Variants in NCOR2 observed in about 807,000 individuals in gnomAD.
NCOR2 encodes CTG repeat protein 26.
A neutral mutation model predicts 262.9 loss-of-function variants in NCOR2; 81 were observed. The ratio of observed to expected loss-of-function variants is 0.31; its 90% CI spans 0.26 to 0.37. The LOEUF (loss-of-function observed/expected upper bound fraction) is 0.37. NCOR2 is among the 10% of genes least tolerant of loss of function. NCOR2 has a pLI of 1.00. For synonymous variants in NCOR2, 1,659 were observed against 1,559.3 expected (o/e 1.06, Z -1.51); for missense variants, 3,385 against 3,621.4 (o/e 0.93, Z 1.68).
chr12:124,507,571 C>G (rs1005905239), intron 1 of NCOR2, among the ~76,000 whole-genome samples: 1 of 152,216 alleles, frequency 6.6e-6, no homozygotes. Flanking sequence ...GACCCCATGA[C>G]GGCCACAGGG....
intron 34 of NCOR2, 77 bp downstream of exon 36, chr12:124,341,746 G>T (rs542265596): frequency 2.0e-6 from 3 of 1,532,668 alleles, no homozygotes; most frequent in Non-Finnish European, 2.6e-6. Flanking sequence ...AGCTGCCTCC[G>T]CGAGGCCACA....
chr12:124,371,334 T>C (rs2039492614), intron 20 of NCOR2, among the ~76,000 whole-genome samples: 2 of 151,972 alleles, frequency 1.3e-5, no homozygotes, highest in Non-Finnish European at 2.9e-5. Context: ...TAGAACTGTG[T>C]CCCCCCAGAG....
At chr12:124,333,237 C>A in exon 42 of NCOR2, 1 of 1,612,854 alleles carries the variant, frequency 6.2e-7, no homozygotes, top group African/African-American at 1.3e-5. Flanking sequence ...CAATACCGTC[C>A]TCACCACCAC....
chr12:124,327,700 CAGAGAGAGAGAAGGGAG>C (rs2034803446), intron 44 of NCOR2, 67 bp from the exon 47 acceptor site: 6 of 1,142,488 alleles, frequency 5.3e-6, no homozygotes, highest in Non-Finnish European at 7.6e-6. Context: ...AGAGGGGCGA[CAGAGAGAGAGAAGGGAG>C]AGAGAGAGGG....
exon 33 of NCOR2, chr12:124,343,113 G>T (rs184244414): frequency 6.2e-7 from 1 of 1,612,490 alleles, no homozygotes; most frequent in Non-Finnish European, 8.5e-7. Flanking sequence ...TGCTCATAGG[G>T]CGAGATGGGG....
chr12:124,346,878 C>T lies in NCOR2; in HGVS notation c.4073-28G>A, dbSNP rs761022560. 6.6e-6 allele frequency: 10 copies of T among 1,505,304 alleles called. 1 individual carries two copies. Among genetic ancestry groups the T allele is most frequent in the Admixed American group, 4.2e-5 (2 of 47,116 alleles). 93.2% of individuals were successfully genotyped at this position (1,505,304 alleles called of 1,614,324 possible). Reference sequence around the variant, plus strand: ...GCCGGGCCGACAGCACTGACCCTCACGCCCCGCCCCACCCAGACCCATCAA... The same window carrying T: ...GCCGGGCCGACAGCACTGACCCTCATGCCCCGCCCCACCCAGACCCATCAA... On this transcript the variant is annotated intron_variant, in intron 30 of 46. Coordinates refer to ENST00000405201, the Ensembl canonical transcript of NCOR2.
At chr12:124,463,166 T>G (rs1169017539) in intron 5 of NCOR2, among the ~76,000 whole-genome samples, 2 of 152,216 alleles carry the variant, frequency 1.3e-5, no homozygotes, top group Non-Finnish European at 2.9e-5. Flanking sequence ...TAGCGCTGCC[T>G]CTGTGTATGT....
intron 13 of NCOR2, among the ~76,000 whole-genome samples, chr12:124,414,105 G>A (rs1166414588): frequency 1.3e-5 from 2 of 152,228 alleles, no homozygotes; most frequent in Non-Finnish European, 2.9e-5. Flanking sequence ...GGAGAGGCCT[G>A]TCCTACCTGG....
intron 17 of NCOR2, among the ~76,000 whole-genome samples, chr12:124,382,496 C>G (rs888145615): frequency 2.0e-5 from 3 of 152,342 alleles, no homozygotes; most frequent in South Asian, 2.1e-4. Context: ...CGTCAGGGGA[C>G]AGAAGGGCCA....
intron 45 of NCOR2, among the ~76,000 whole-genome samples, chr12:124,327,174 G>A (rs1025845392): frequency 2.8e-4 from 43 of 152,082 alleles, no homozygotes; most frequent in African/African-American, 9.9e-4. Flanking sequence ...AGGCGGCAGC[G>A]CTTCGGGCCT....
chr12:124,433,157 C>T (rs1593515070), intron 8 of NCOR2, among the ~76,000 whole-genome samples: 2 of 152,208 alleles, frequency 1.3e-5, no homozygotes, highest in African/African-American at 4.8e-5. Flanking sequence ...TGCTGGGTGG[C>T]CCAGAACCTA....
intron 7 of NCOR2, among the ~76,000 whole-genome samples, chr12:124,445,887 C>T (rs183057226): frequency 2.6e-5 from 4 of 152,330 alleles, no homozygotes; most frequent in South Asian, 2.1e-4. Context: ...ATGTGCTGTA[C>T]GTGCTGAGCA....
Position 124,388,751 on chromosome 12 carries a change from G to A in NCOR2, c.1877-2864C>T, listed in dbSNP as rs776613078. The A allele has an allele frequency of 3.8e-6, 5 of 1,304,266 alleles. No individual in the cohort carries two copies. The South Asian group carries it at 4.9e-5, about 13-fold the overall frequency. 80.8% of individuals were successfully genotyped at this position (1,304,266 alleles called of 1,614,324 possible). ...AACATAGGGCTGGGAAGATGCCCCA[G>A]GGAGCGGGCCGAAGTGGGCCGGCAG... On this transcript the variant is annotated intron_variant, in intron 16 of 46. Coordinates refer to ENST00000405201, the Ensembl canonical transcript of NCOR2.
intron 21 of NCOR2, among the ~76,000 whole-genome samples, chr12:124,362,558 G>A (rs542829487): frequency 4.0e-4 from 59 of 146,744 alleles, no homozygotes; most frequent in African/African-American, 1.5e-3. Flanking sequence ...CTGCCCGGTG[G>A]TGAACAGGGG....
intron 18 of NCOR2, among the ~76,000 whole-genome samples, chr12:124,376,079 C>T (rs75125246): frequency 0.021 from 3,183 of 152,240 alleles, 132 homozygotes; most frequent in African/African-American, 0.073. Context: ...GAGGGGTTCT[C>T]CTCTCCCCTG....
At chr12:124,359,786 G>A (rs1368773141) in intron 22 of NCOR2, among the ~76,000 whole-genome samples, 1 of 152,244 alleles carries the variant, frequency 6.6e-6, no homozygotes, top group Non-Finnish European at 1.5e-5. Context: ...TGGGCCCAGG[G>A]GGCCCCGAGG....
At chr12:124,485,400 C>T (rs967319632) in intron 2 of NCOR2, among the ~76,000 whole-genome samples, 2 of 152,212 alleles carry the variant, frequency 1.3e-5, no homozygotes, top group African/African-American at 4.8e-5. Flanking sequence ...GAGATTGGAC[C>T]GATGCAGCCA....
chr12:124,501,263 G>A (rs1593853595), intron 1 of NCOR2, among the ~76,000 whole-genome samples: 1 of 152,060 alleles, frequency 6.6e-6, no homozygotes, highest in African/African-American at 2.4e-5. Flanking sequence ...AGCCACATAC[G>A]GCCTCCCTCA....
chr12:124,385,440 C>T lies in NCOR2; in HGVS notation c.2019+305G>A, dbSNP rs141709799. On this transcript the variant is annotated intron_variant, in intron 17 of 46. Transcript: ENST00000405201. ...GTCTGGTCCACCGCGCTCCTTCCCC[C>T]ACACCGTGAGACAGGGCTGAGGGCC... Among the ~76,000 whole-genome samples the T allele has an allele frequency of 4.6e-3, 697 of 152,322 alleles. 4 individuals carry two copies. Among genetic ancestry groups the T allele is most frequent in the African/African-American group, 0.016 (672 of 41,570 alleles).
Sources: gnomAD v4.1 joint callset for allele counts (sites outside exome capture counted in the v4.1 genomes callset) on GRCh38, gnomAD v4.1.1 for gene constraint, MANE v1.5 for transcripts, NCBI Gene and HGNC (gene_info 2026-07-23, HGNC 2026-07-21) for gene names.